Variants in RUNX2 observed in about 807,000 individuals in gnomAD.
RUNX2 encodes RUNX family transcription factor 2, also known as runt-related transcription factor 2.
A neutral mutation model predicts 51.7 loss-of-function variants in RUNX2; 10 were observed. That is an observed-to-expected ratio of 0.19 (90% CI 0.12 to 0.33). RUNX2 has a LOEUF of 0.33. Ranked by LOEUF, RUNX2 falls within the 10% of genes least tolerant of loss-of-function variation. The pLI is 1.00. For synonymous variants in RUNX2, 276 were observed against 273.6 expected, an observed-to-expected ratio of 1.01 and a Z score of -0.09; for missense variants, 562 against 691.3, an observed-to-expected ratio of 0.81 and a Z score of 2.10.
At chr6:45,425,684 T>C (rs1186376429) in intron 3 of RUNX2, among the ~76,000 whole-genome samples, 1 of 152,214 alleles carries the variant, frequency 6.6e-6, no homozygotes, top group African/African-American at 2.4e-5. Flanking sequence ...CTCTTTACCC[T>C]ACTTTTGGAA....
At chr6:45,467,007 G>A (rs1187958384) in intron 5 of RUNX2, among the ~76,000 whole-genome samples, 1 of 152,046 alleles carries the variant, frequency 6.6e-6, no homozygotes, top group Non-Finnish European at 1.5e-5. Context: ...TAGACTTGTC[G>A]CCTTCATTTC....
In RUNX2 at chr6:45,349,602, A is replaced by G. The variant is rs188282523; in HGVS notation, c.58+20818A>G. ...AGGCTCTCAGGTGATTCTAATGCAC[A>G]CTAAGGTTTGGGAACCATTGCACTG... is the stretch of plus-strand genomic sequence containing the variant. On this transcript the variant is annotated intron_variant, in intron 2 of 8. Coordinates refer to ENST00000647337, the MANE Select transcript of RUNX2 (RefSeq NM_001024630.4). Among the ~76,000 whole-genome samples the G allele has an allele frequency of 9.3e-4, 141 of 152,290 alleles. 1 individual carries two copies. The Middle Eastern group carries it at 0.01, about 11-fold the overall frequency.
chr6:45,437,672 A>G (rs1002313125), intron 4 of RUNX2, among the ~76,000 whole-genome samples: 5 of 152,188 alleles, frequency 3.3e-5, no homozygotes, highest in African/African-American at 1.2e-4. Flanking sequence ...TTTTGTTTTC[A>G]TTACAACTGT....
chr6:45,491,082 T>C (rs1800446400), intron 5 of RUNX2, among the ~76,000 whole-genome samples: 1 of 152,180 alleles, frequency 6.6e-6, no homozygotes, highest in Non-Finnish European at 1.5e-5. Flanking sequence ...TTTGTTTTAA[T>C]TTGTGCATTT....
chr6:45,531,733 C>T (rs1238132789), intron 7 of RUNX2, among the ~76,000 whole-genome samples: 1 of 151,410 alleles, frequency 6.6e-6, no homozygotes, highest in African/African-American at 2.4e-5. Flanking sequence ...AGTCTGGCAA[C>T]AGGGTGAGAT....
intron 5 of RUNX2, among the ~76,000 whole-genome samples, chr6:45,479,848 C>T (rs997277498): frequency 1.9e-4 from 29 of 152,168 alleles, no homozygotes; most frequent in African/African-American, 7.0e-4. Flanking sequence ...TCTGTTGTGC[C>T]TTGAAAAGAA....
chr6:45,530,733 G>A (rs1434191551), intron 7 of RUNX2, among the ~76,000 whole-genome samples: 3 of 152,214 alleles, frequency 2.0e-5, no homozygotes, highest in Admixed American at 1.3e-4. Flanking sequence ...ACTCCAGAGA[G>A]TGAGGGAATT....
chr6:45,513,289 G>A lies in RUNX2; in HGVS notation c.1021+882G>A, dbSNP rs139253211. Among the ~76,000 whole-genome samples the A allele has an allele frequency of 3.2e-3, 485 of 152,176 alleles. 2 individuals are homozygous for A. The highest frequency in any genetic ancestry group is 0.02 in the East Asian group (103 of 5,166). On this transcript the variant is annotated intron_variant, in intron 7 of 8. Transcript: ENST00000647337. ...ACATTGTCCCCACTCAATGACGTACGTCCACAGAGGCACACACCCCATTGG... is the reference window on the plus strand; with the variant it reads ...ACATTGTCCCCACTCAATGACGTACATCCACAGAGGCACACACCCCATTGG...
At chr6:45,332,398 C>G (rs1787694048) in intron 2 of RUNX2, among the ~76,000 whole-genome samples, 1 of 151,232 alleles carries the variant, frequency 6.6e-6, no homozygotes, top group Admixed American at 6.6e-5. Flanking sequence ...GAAAAAAATC[C>G]AATGGGACTA....
At chr6:45,358,578 C>T (rs765639968) in intron 2 of RUNX2, among the ~76,000 whole-genome samples, 8 of 152,066 alleles carry the variant, frequency 5.3e-5, no homozygotes, top group Non-Finnish European at 8.8e-5. Flanking sequence ...ATAATGGTAA[C>T]AAGAGCACAA....
chr6:45,401,302 A>G (rs1313391567), intron 2 of RUNX2, among the ~76,000 whole-genome samples: 1 of 152,212 alleles, frequency 6.6e-6, no homozygotes, highest in Non-Finnish European at 1.5e-5. Context: ...TCCTAAACAA[A>G]GACTTCCTTA....
In RUNX2 at chr6:45,406,518, G is replaced by T. The variant is rs372208833; in HGVS notation, c.59-16075G>T. On this transcript the variant is annotated intron_variant, in intron 2 of 8. Transcript: ENST00000647337. ...CAACCTCTGCCTCCCAGGTTCAAGC[G>T]ATTCTTGTGCCTCAGCCTCCCAAGT... 2.6e-5 allele frequency among the ~76,000 whole-genome samples: 4 copies of T among 152,122 alleles called. No homozygotes were observed. The East Asian group carries it at 7.7e-4, about 29-fold the overall frequency.
chr6:45,468,729 CAA>C (rs1449934292), intron 5 of RUNX2, among the ~76,000 whole-genome samples: 1 of 152,072 alleles, frequency 6.6e-6, no homozygotes, highest in African/African-American at 2.4e-5. Context: ...GTGTATGTCC[CAA>C]AAGTCATGAG....
chr6:45,350,887 T>C (rs963425018), intron 2 of RUNX2, among the ~76,000 whole-genome samples: 6 of 152,166 alleles, frequency 3.9e-5, no homozygotes, highest in African/African-American at 1.4e-4. Context: ...TCGTGGCCTG[T>C]TGGGAACCAG....
chr6:45,375,486 C>T (rs757301472), intron 2 of RUNX2, among the ~76,000 whole-genome samples: 3 of 152,150 alleles, frequency 2.0e-5, no homozygotes, highest in African/African-American at 7.2e-5. Flanking sequence ...TGATTTAACT[C>T]GTGAGCTTTA....
At chr6:45,364,114 CAA>C (rs11333292) in intron 2 of RUNX2, among the ~76,000 whole-genome samples, 22 of 143,716 alleles carry the variant, frequency 1.5e-4, no homozygotes, top group South Asian at 2.2e-4. Context: ...GACTCTGTCT[CAA>C]AAAAAAAAAA....
intron 2 of RUNX2, among the ~76,000 whole-genome samples, chr6:45,404,416 C>A (rs919670454): frequency 6.6e-6 from 1 of 152,202 alleles, no homozygotes; most frequent in African/African-American, 2.4e-5. Flanking sequence ...CATGGCCCTG[C>A]CTCTTCACTA....
intron 2 of RUNX2, among the ~76,000 whole-genome samples, chr6:45,355,409 A>C (rs182193023): frequency 1.4e-5 from 2 of 147,218 alleles, no homozygotes; most frequent in Admixed American, 1.4e-4. Context: ...ATAGAATAAA[A>C]TGTTGATATA....
At chr6:45,408,720 A>C (rs748570815) in intron 2 of RUNX2, among the ~76,000 whole-genome samples, 1 of 151,938 alleles carries the variant, frequency 6.6e-6, no homozygotes, top group Non-Finnish European at 1.5e-5. Context: ...CTGTGTATCA[A>C]CCTTCCCCTG....
Sources: allele counts gnomAD v4.1 joint callset (sites outside exome capture counted in the v4.1 genomes callset), GRCh38; gene constraint gnomAD v4.1.1; transcripts MANE v1.5; gene names NCBI Gene and HGNC (gene_info 2026-07-23, HGNC 2026-07-21).